CYREN: variants seen among roughly 807,000 people sequenced by gnomAD.
CYREN encodes cell cycle regulator of non-homologous end joining.
Under a neutral mutation model 9.7 loss-of-function variants are expected in CYREN, and 7 were observed. The observed-to-expected ratio is 0.72, with a 90% CI of 0.41 to 1.36. The LOEUF is 1.36. Ranked by LOEUF, CYREN falls within the 40% of genes most tolerant of loss-of-function variation. The pLI is 0.01. For synonymous variants in CYREN, 76 were observed against 77.9 expected (o/e 0.98, Z 0.13); for missense variants, 215 against 198.1 (o/e 1.09, Z -0.51).
chr7:135,125,501 C>A (rs183407134), intron 2 of CYREN, among the ~76,000 whole-genome samples: 117 of 152,224 alleles, frequency 7.7e-4, no homozygotes, highest in African/African-American at 2.6e-3. Flanking sequence ...TGAAACTACT[C>A]CAAACAATTG....
chr7:135,138,230 C>T (rs1829390794), intron 2 of CYREN, among the ~76,000 whole-genome samples: 1 of 151,206 alleles, frequency 6.6e-6, no homozygotes, highest in African/African-American at 2.4e-5. Flanking sequence ...GAAATTCTGG[C>T]CTACGTAAAC....
intron 2 of CYREN, among the ~76,000 whole-genome samples, chr7:135,140,897 C>T (rs907338493): frequency 6.6e-6 from 1 of 151,872 alleles, no homozygotes; most frequent in African/African-American, 2.4e-5. Flanking sequence ...GTTGAACCAA[C>T]CTTCCATCCA....
intron 2 of CYREN, among the ~76,000 whole-genome samples, chr7:135,119,621 T>C (rs1263917037): frequency 6.7e-6 from 1 of 148,998 alleles, no homozygotes; most frequent in African/African-American, 2.5e-5. Flanking sequence ...CTCATGCCTG[T>C]AATCCCAGCA....
At chr7:135,135,646 AT>A (rs2117380599) in intron 2 of CYREN, 1 of 157,106 alleles carries the variant, frequency 6.4e-6, no homozygotes, top group South Asian at 2.0e-4. Flanking sequence ...ACTTTAATCA[AT>A]TAGTCAACAA....
At chr7:135,159,099 C>T (rs978043840) in intron 2 of CYREN, among the ~76,000 whole-genome samples, 7 of 152,214 alleles carry the variant, frequency 4.6e-5, no homozygotes, top group Non-Finnish European at 7.3e-5. Context: ...GAGCCTCTCC[C>T]GACTCTCAGT....
chr7:135,108,845 C>T (rs1023271731), intron 2 of CYREN, among the ~76,000 whole-genome samples: 3 of 152,186 alleles, frequency 2.0e-5, no homozygotes, highest in Admixed American at 6.5e-5. Context: ...GGCCTCTTTA[C>T]ATAATCCATG....
At chr7:135,158,083 T>A (rs1829839251) in intron 2 of CYREN, among the ~76,000 whole-genome samples, 1 of 152,100 alleles carries the variant, frequency 6.6e-6, no homozygotes, top group Non-Finnish European at 1.5e-5. Flanking sequence ...GGGCAGCAGC[T>A]TCAGCCACAT....
chr7:135,171,440 C>T (rs1272197857), upstream of CYREN, among the ~76,000 whole-genome samples: 1 of 151,970 alleles, frequency 6.6e-6, no homozygotes, highest in Admixed American at 6.5e-5. Context: ...GACTTAGAAA[C>T]CGATGTTATT....
At chr7:135,164,759 C>T (rs1188476147), downstream of CYREN, 4 of 1,614,226 alleles carry the variant, frequency 2.5e-6, no homozygotes, top group Non-Finnish European at 3.4e-6. Context: ...TAGCCCAGTG[C>T]AACAGTGATG....
chr7:135,135,145 A>T lies in CYREN; in HGVS notation n.356+33604T>A, dbSNP rs1320515216. The T allele has an allele frequency of 5.2e-6, 8 of 1,551,156 alleles. No individual in the cohort carries two copies. In the South Asian group the frequency reaches 9.5e-5, roughly 18 times the overall value. On this transcript the variant is annotated intron_variant and non_coding_transcript_variant, in intron 2 of 2. Coordinates refer to the CYREN transcript ENST00000459937. ...ATATAAGAGTCTTCAAGCTGAAGAAACTAACCAGCAAAGCTCTAAGCATAC... is the reference window on the plus strand; with the variant it reads ...ATATAAGAGTCTTCAAGCTGAAGAATCTAACCAGCAAAGCTCTAAGCATAC...
Position 135,167,804 on chromosome 7 carries a change from G to T in CYREN, c.141C>A (p.Leu47=). The change falls in exon 3 of 4, where the codon CTC becomes CTA. Residue 47 remains leucine (L), a synonymous_variant. Transcript: ENST00000393114. The stretch of plus-strand genomic sequence containing the variant: ...TGCAGTACACAGTCCTTGTCGCAGG[G>T]AGTCTGAAAAAAAGACATGCAAGGC... ...MAAVPVAAAR[L]PATRTVYCMN... is the part of the protein sequence containing the mutation. 1 of 1,614,092 alleles carries T rather than the reference G, an allele frequency of 6.2e-7. No homozygotes were observed. The highest frequency in any genetic ancestry group is 8.5e-7 in the Non-Finnish European group (1 of 1,180,000).
chr7:135,094,002 AT>A (rs1218732308), exon 3 of CYREN: 1 of 171,222 alleles, frequency 5.8e-6, no homozygotes, highest in African/African-American at 2.4e-5. Flanking sequence ...GGGAAAAAAA[AT>A]AGTCTTTTCA....
At chr7:135,109,241 G>C (rs1825239555) in intron 2 of CYREN, among the ~76,000 whole-genome samples, 1 of 152,234 alleles carries the variant, frequency 6.6e-6, no homozygotes, top group Non-Finnish European at 1.5e-5. Context: ...GTCATTTGAA[G>C]GACATAAGAC....
At chr7:135,153,121 C>T (rs1299973819) in intron 2 of CYREN, 1 of 152,000 alleles carries the variant, frequency 6.6e-6, no homozygotes, top group Non-Finnish European at 1.5e-5. Context: ...AAATTAAAAC[C>T]ACAATGAGAT....
intron 2 of CYREN, among the ~76,000 whole-genome samples, chr7:135,157,955 A>C (rs1829835674): frequency 6.6e-6 from 1 of 152,170 alleles, no homozygotes; most frequent in Non-Finnish European, 1.5e-5. Context: ...CAGCATGGTC[A>C]AGAAGCTGTA....
chr7:135,129,036 G>C, intron 2 of CYREN: 8 of 1,608,814 alleles, frequency 5.0e-6, no homozygotes, highest in Non-Finnish European at 6.8e-6. Flanking sequence ...CCAGATCAGA[G>C]ATGGCCAGGT....
At chr7:135,135,566 C>CA in intron 2 of CYREN, 1 of 199,872 alleles carries the variant, frequency 5.0e-6, no homozygotes, top group Non-Finnish European at 1.0e-5. Flanking sequence ...CATTCGACAC[C>CA]AAAAAAACTT....
chr7:135,137,114 T>C (rs1013757219), intron 2 of CYREN, among the ~76,000 whole-genome samples: 1 of 151,842 alleles, frequency 6.6e-6, no homozygotes, highest in Non-Finnish European at 1.5e-5. Flanking sequence ...TATATTTCCA[T>C]AGAAATTTAA....
At chr7:135,126,612 G>A (rs1025722133) in intron 2 of CYREN, among the ~76,000 whole-genome samples, 1 of 152,216 alleles carries the variant, frequency 6.6e-6, no homozygotes, top group Non-Finnish European at 1.5e-5. Flanking sequence ...CAAAGCTGGA[G>A]AGGTATCACA....
Sources: gnomAD v4.1 joint callset for allele counts (sites outside exome capture counted in the v4.1 genomes callset) on GRCh38, gnomAD v4.1.1 for gene constraint, MANE v1.5 for transcripts, NCBI Gene and HGNC (gene_info 2026-07-23, HGNC 2026-07-21) for gene names.